Variants in SV2C observed in about 807,000 individuals in gnomAD.
SV2C encodes the protein synaptic vesicle glycoprotein 2C.
Under a neutral mutation model 79.7 loss-of-function variants are expected in SV2C, and 49 were observed. The ratio of observed to expected loss-of-function variants is 0.61; its 90% CI spans 0.49 to 0.78. The LOEUF (loss-of-function observed/expected upper bound fraction) is 0.78, where lower values mean the gene tolerates loss of function less well. SV2C is among the 30% of genes least tolerant of loss of function. The probability of loss-of-function intolerance (pLI) is 0.00; values close to 1 mark genes in which losing one functional copy is unlikely to be tolerated. For missense variants in SV2C, 833 were observed against 912.9 expected (o/e 0.91, Z 1.13); for synonymous variants, 334 against 333.2 (o/e 1.00, Z -0.03).
chr5:76,066,871 G>C, the SV2C span, among the ~76,000 whole-genome samples: 1 of 151,456 alleles, frequency 6.6e-6, no homozygotes, highest in Non-Finnish European at 1.5e-5. Flanking sequence ...TGAACAACTG[G>C]TATCCATAGT....
the SV2C span, among the ~76,000 whole-genome samples, chr5:75,951,213 C>A: frequency 5.9e-5 from 9 of 151,978 alleles, no homozygotes; most frequent in African/African-American, 2.2e-4. Flanking sequence ...CTTCTAAGAT[C>A]TATTTTAGAG....
the SV2C span, among the ~76,000 whole-genome samples, chr5:76,067,379 T>A: frequency 6.6e-6 from 1 of 151,962 alleles, no homozygotes; most frequent in Non-Finnish European, 1.5e-5. Flanking sequence ...AAAGTCTCTT[T>A]GTTATTTAGT....
At chr5:76,287,547 C>A (rs1050214668) in intron 6 of SV2C, among the ~76,000 whole-genome samples, 1 of 152,114 alleles carries the variant, frequency 6.6e-6, no homozygotes, top group Non-Finnish European at 1.5e-5. Context: ...CTCCTTCCTG[C>A]CTGCTTTATA....
rs370142721 is a variant in SV2C at position 76,312,266 on chromosome 5, G to A, written c.2000+10721G>A. Among the ~76,000 whole-genome samples the A allele has an allele frequency of 2.5e-4, 38 of 151,144 alleles. 1 individual carries two copies. The highest frequency in any genetic ancestry group is 2.1e-4 in the South Asian group (1 of 4,772). ...CTCAGGGGCCACTTTTTTTTTTTGG[G>A]GGGGGGGACAGGGTCTCACTCTGTC... On this transcript the variant is annotated intron_variant, in intron 12 of 12. Transcript: ENST00000502798.
At chr5:75,894,918 T>C in the SV2C span, among the ~76,000 whole-genome samples, 4 of 152,060 alleles carry the variant, frequency 2.6e-5, no homozygotes, top group Non-Finnish European at 4.4e-5. Context: ...AGGAGGTAAG[T>C]GCTAAAGCAG....
chr5:75,852,968 A>G, the SV2C span, among the ~76,000 whole-genome samples: 20 of 152,336 alleles, frequency 1.3e-4, no homozygotes, highest in African/African-American at 4.8e-4. Context: ...TAAATACACA[A>G]CAATTTAAAA....
At chr5:76,030,283 T>G in the SV2C span, among the ~76,000 whole-genome samples, 3,368 of 121,444 alleles carry the variant, frequency 0.028, 260 homozygotes, top group African/African-American at 0.11. Flanking sequence ...TTTTTTTTTT[T>G]TTTTTTTTTA....
intron 12 of SV2C, among the ~76,000 whole-genome samples, chr5:76,311,859 G>A (rs1002274071): frequency 3.3e-5 from 5 of 152,088 alleles, no homozygotes; most frequent in South Asian, 2.1e-4. Flanking sequence ...CCCTCTTTGC[G>A]GTAGAACTGA....
chr5:75,888,331 T>TTTAA, the SV2C span, among the ~76,000 whole-genome samples: 4,417 of 148,420 alleles, frequency 0.03, 231 homozygotes, highest in African/African-American at 0.1. Flanking sequence ...CCTTGCTTTT[T>TTTAA]AAAAAAAAAA....
At chr5:75,874,948 G>C in the SV2C span, among the ~76,000 whole-genome samples, 1 of 152,150 alleles carries the variant, frequency 6.6e-6, no homozygotes, top group South Asian at 2.1e-4. Context: ...CTCATGGATA[G>C]GAAGAGCCAA....
intron 4 of SV2C, among the ~76,000 whole-genome samples, chr5:76,282,549 C>T (rs1747230055): frequency 6.6e-6 from 1 of 152,232 alleles, no homozygotes; most frequent in South Asian, 2.1e-4. Flanking sequence ...TTTTCAATAA[C>T]TAATGTGTAA....
intron 8 of SV2C, among the ~76,000 whole-genome samples, chr5:76,294,894 A>G (rs1465646093): frequency 6.6e-6 from 1 of 152,188 alleles, no homozygotes; most frequent in Non-Finnish European, 1.5e-5. Flanking sequence ...GGGAACTGGC[A>G]TTCTACCCCC....
the SV2C span, chr5:75,921,709 G>A: frequency 3.2e-5 from 16 of 499,284 alleles, no homozygotes; most frequent in Admixed American, 3.0e-4. Context: ...GCAAAGAACA[G>A]AGGGTATAAA....
chr5:76,129,028 C>G (rs1479511614), intron 1 of SV2C, among the ~76,000 whole-genome samples: 1 of 152,186 alleles, frequency 6.6e-6, no homozygotes, highest in Non-Finnish European at 1.5e-5. Context: ...AATTATAACT[C>G]TGCCCCTGAA....
Position 76,333,953 on chromosome 5 carries a change from T to C in SV2C, c.*8406T>C, listed in dbSNP as rs563507175. On this transcript the variant is annotated 3_prime_UTR_variant, in exon 13 of 13. Coordinates refer to ENST00000502798, the MANE Select transcript of SV2C (RefSeq NM_014979.4). ...TTTTTTTTGCTCCATTATATTCAAA[T>C]ACAGATTGCTGTGTGACTGGCTTCC... The C allele has an allele frequency of 6.6e-6, 1 of 151,726 alleles. No homozygotes were observed. The highest frequency in any genetic ancestry group is 2.1e-4 in the South Asian group (1 of 4,820). The allele number at this position is 151,726 out of a possible 1,614,324, so 9.4% of individuals were successfully genotyped here.
At chr5:75,877,361 T>C in the SV2C span, among the ~76,000 whole-genome samples, 3 of 152,000 alleles carry the variant, frequency 2.0e-5, no homozygotes, top group South Asian at 6.2e-4. Flanking sequence ...TTTTCAGTAG[T>C]AGACAGAACA....
intron 1 of SV2C, among the ~76,000 whole-genome samples, chr5:76,084,958 G>A (rs1044728124): frequency 6.6e-5 from 10 of 152,310 alleles, no homozygotes; most frequent in African/African-American, 2.2e-4. Flanking sequence ...CCGGGGGACC[G>A]AGGAGATGAG....
At chr5:76,006,187 T>C in the SV2C span, among the ~76,000 whole-genome samples, 3 of 152,130 alleles carry the variant, frequency 2.0e-5, no homozygotes, top group Non-Finnish European at 4.4e-5. Flanking sequence ...CTTTTTATAA[T>C]AAGAAGTGAC....
intron 4 of SV2C, among the ~76,000 whole-genome samples, chr5:76,258,078 G>C (rs932192025): frequency 3.4e-5 from 5 of 146,576 alleles, no homozygotes; most frequent in Admixed American, 3.4e-4. Flanking sequence ...AGTATGGGGG[G>C]TGTGGTATGT....
Sources: gnomAD v4.1 joint callset for allele counts (sites outside exome capture counted in the v4.1 genomes callset) on GRCh38, gnomAD v4.1.1 for gene constraint, MANE v1.5 for transcripts, NCBI Gene and HGNC (gene_info 2026-07-23, HGNC 2026-07-21) for gene names.